The following STXBP5L variants were observed in gnomAD, a reference collection of about 807,000 sequenced individuals.
STXBP5L encodes syntaxin binding protein 5L.
A neutral mutation model predicts 144.5 loss-of-function variants in STXBP5L; 65 were observed. The ratio of observed to expected loss-of-function variants is 0.45; its 90% CI spans 0.37 to 0.55. The LOEUF (loss-of-function observed/expected upper bound fraction) is 0.55, where lower values mean the gene tolerates loss of function less well. Among genes scored for constraint, STXBP5L ranks in the 20% least tolerant of loss-of-function variants. The pLI, the probability that STXBP5L is intolerant of heterozygous loss-of-function variation, is 0.00. For missense variants in STXBP5L, 1,298 were observed against 1,405.5 expected (o/e 0.92, Z 1.22); for synonymous variants, 505 against 469.6 (o/e 1.08, Z -0.97).
intron 19 of STXBP5L, among the ~76,000 whole-genome samples, chr3:121,290,547 A>G (rs2051398113): frequency 1.3e-5 from 2 of 152,142 alleles, no homozygotes; most frequent in African/African-American, 2.4e-5. Context: ...CCTCCCCCCA[A>G]ATCATTCTGT....
intron 7 of STXBP5L, among the ~76,000 whole-genome samples, chr3:121,142,242 A>G (rs978375999): frequency 3.9e-5 from 6 of 152,010 alleles, no homozygotes; most frequent in Non-Finnish European, 8.8e-5. Context: ...CTGATATCAG[A>G]GCACCTAAAT....
intron 20 of STXBP5L, among the ~76,000 whole-genome samples, chr3:121,356,236 A>G (rs894623198): frequency 6.6e-6 from 1 of 152,254 alleles, no homozygotes; most frequent in Non-Finnish European, 1.5e-5. Flanking sequence ...GCTATCAGAC[A>G]GGGACATTTA....
intron 3 of STXBP5L, among the ~76,000 whole-genome samples, chr3:121,021,277 C>G (rs530184368): frequency 7.2e-4 from 109 of 152,232 alleles, no homozygotes; most frequent in African/African-American, 2.6e-3. Flanking sequence ...ACAATTACTA[C>G]TAGACCTAAG....
chr3:121,409,920 T>C (rs1012166454), intron 23 of STXBP5L, among the ~76,000 whole-genome samples: 6 of 151,688 alleles, frequency 4.0e-5, no homozygotes, highest in East Asian at 3.9e-4. Context: ...GACAGGAAAG[T>C]CGCTTAAGAG....
chr3:121,187,447 C>G (rs1577152814), intron 9 of STXBP5L, among the ~76,000 whole-genome samples: 1 of 151,480 alleles, frequency 6.6e-6, no homozygotes, highest in Non-Finnish European at 1.5e-5. Context: ...TTAGGAGATA[C>G]ACCTAATGTT....
Position 121,418,930 on chromosome 3 carries a change from AAAG to A in STXBP5L, c.3448-122_3448-120del, listed in dbSNP as rs1237109397. ...CATATGCACTTTATTTCACAAAATAAAAGAAGCCACTCAGTTTGATTATAAGTT... is the reference window on the plus strand; with the variant it reads ...CATATGCACTTTATTTCACAAAATAAAAGCCACTCAGTTTGATTATAAGTT... On this transcript the variant is annotated intron_variant, in intron 26 of 26. Coordinates refer to ENST00000471454, the MANE Select transcript of STXBP5L (RefSeq NM_001308330.2). The A allele has an allele frequency of 3.0e-6, 3 of 993,370 alleles. No homozygotes were observed. The African/African-American group carries it at 5.0e-5, about 17-fold the overall frequency. 61.5% of individuals were successfully genotyped at this position (993,370 alleles called of 1,614,324 possible). A position where few individuals can be genotyped will look rare whatever the true frequency, so the allele number is the denominator to read the frequency against.
chr3:121,056,161 A>G (rs1376573085), intron 5 of STXBP5L, among the ~76,000 whole-genome samples: 2 of 152,162 alleles, frequency 1.3e-5, no homozygotes, highest in Admixed American at 1.3e-4. Flanking sequence ...TACAAATACG[A>G]TTTTAAACCT....
chr3:121,315,998 CTCA>C (rs1228620595), intron 19 of STXBP5L, among the ~76,000 whole-genome samples: 122 of 41,504 alleles, frequency 2.9e-3, no homozygotes, highest in East Asian at 8.0e-3. Context: ...GAGACTCTGT[CTCA>C]AAAAAAAAAA....
intron 20 of STXBP5L, among the ~76,000 whole-genome samples, chr3:121,364,031 T>A (rs2045793350): frequency 6.6e-6 from 1 of 152,206 alleles, no homozygotes; most frequent in African/African-American, 2.4e-5. Context: ...ACACAGTTTT[T>A]AAATGTTTAT....
At chr3:121,088,515 A>G (rs1281102573) in intron 5 of STXBP5L, among the ~76,000 whole-genome samples, 55 of 41,534 alleles carry the variant, frequency 1.3e-3, no homozygotes, top group Admixed American at 2.3e-3. Context: ...TAGTTCAACC[A>G]TTGTGGAAGT....
At chr3:120,979,668 C>G (rs1483328368) in intron 3 of STXBP5L, among the ~76,000 whole-genome samples, 1 of 152,118 alleles carries the variant, frequency 6.6e-6, no homozygotes, top group Non-Finnish European at 1.5e-5. Context: ...TAGACTGGAG[C>G]TGTTCATATT....
chr3:121,337,265 A>C (rs531979065), intron 20 of STXBP5L, among the ~76,000 whole-genome samples: 1 of 152,248 alleles, frequency 6.6e-6, no homozygotes, highest in Non-Finnish European at 1.5e-5. Context: ...TAAACAAAAA[A>C]ATTAAAAATC....
chr3:120,941,749 A>G (rs900774391), intron 2 of STXBP5L, among the ~76,000 whole-genome samples: 2 of 151,746 alleles, frequency 1.3e-5, no homozygotes, highest in African/African-American at 4.8e-5. Flanking sequence ...TCGTGGCACT[A>G]GGCTCAGTGA....
intron 22 of STXBP5L, among the ~76,000 whole-genome samples, chr3:121,384,390 G>A (rs1039697487): frequency 3.3e-4 from 50 of 152,058 alleles, no homozygotes; most frequent in African/African-American, 1.1e-3. Flanking sequence ...GAGGCTGGGC[G>A]CAGTGGCTCA....
At chr3:120,972,425 C>T (rs1383925283) in intron 3 of STXBP5L, among the ~76,000 whole-genome samples, 4 of 151,984 alleles carry the variant, frequency 2.6e-5, no homozygotes, top group Non-Finnish European at 4.4e-5. Flanking sequence ...TTTTTATATT[C>T]TGAAACTTTA....
chr3:121,052,569 C>A (rs575293966), intron 5 of STXBP5L, among the ~76,000 whole-genome samples: 63 of 152,206 alleles, frequency 4.1e-4, no homozygotes, highest in Non-Finnish European at 7.4e-4. Context: ...AAACTCTCAA[C>A]AAATTAGGTA....
chr3:121,318,815 A>G (rs1217157920), intron 20 of STXBP5L, among the ~76,000 whole-genome samples: 4 of 152,216 alleles, frequency 2.6e-5, no homozygotes, highest in Non-Finnish European at 5.9e-5. Context: ...ATACATTAAT[A>G]ATGCTTACTA....
At chr3:121,246,752 A>G (rs558199868) in intron 14 of STXBP5L, among the ~76,000 whole-genome samples, 11 of 152,348 alleles carry the variant, frequency 7.2e-5, no homozygotes, top group African/African-American at 2.6e-4. Flanking sequence ...TTTAGCAACA[A>G]AAAGGAACAA....
intron 11 of STXBP5L, among the ~76,000 whole-genome samples, chr3:121,230,849 C>CT (rs1304408662): frequency 6.6e-6 from 1 of 152,136 alleles, no homozygotes; most frequent in East Asian, 1.9e-4. Flanking sequence ...GCTGAAGCCC[C>CT]TTACTGAATT....
Sources: allele counts gnomAD v4.1 joint callset (sites outside exome capture counted in the v4.1 genomes callset), GRCh38; gene constraint gnomAD v4.1.1; transcripts MANE v1.5; gene names NCBI Gene and HGNC (gene_info 2026-07-23, HGNC 2026-07-21).